BRD9: variants seen among roughly 807,000 people sequenced by gnomAD.
BRD9 encodes bromodomain-containing protein 9.
Under a neutral mutation model 68.7 loss-of-function variants are expected in BRD9, and 47 were observed. The observed-to-expected ratio is 0.68, with a 90% CI of 0.54 to 0.87. BRD9 has a LOEUF of 0.87. Among genes scored for constraint, BRD9 ranks in the 40% least tolerant of loss-of-function variants. BRD9 has a pLI of 0.00. For synonymous variants in BRD9, 313 were observed against 293.9 expected (o/e 1.06, Z -0.67); for missense variants, 670 against 748.4 (o/e 0.90, Z 1.22).
In BRD9 at chr5:889,181, T is replaced by C; in HGVS notation, c.462-16A>G. On this transcript the variant is annotated splice_polypyrimidine_tract_variant and intron_variant, in intron 4 of 15. Coordinates refer to ENST00000467963, the MANE Select transcript of BRD9 (RefSeq NM_023924.5). ...GGGATCTTTTCTGAAAGCAAAGACA[T>C]CTTAAAGCGGAAAAATCTAGATTTC... 5 of 1,601,640 alleles carry C rather than the reference T, an allele frequency of 3.1e-6. No individual in the cohort carries two copies. Among genetic ancestry groups the C allele is most frequent in the Non-Finnish European group, 4.2e-6 (5 of 1,177,110 alleles).
intron 14 of BRD9, 86 bp downstream of exon 14, chr5:870,387 G>A (rs1749963934): frequency 2.9e-6 from 3 of 1,018,128 alleles, no homozygotes; most frequent in Non-Finnish European, 4.6e-6. Context: ...GTCTAGTCAG[G>A]AAGGGAGAGG....
At chr5:886,777 G>A (rs373081798) in intron 6 of BRD9, 70 bp from the exon 7 acceptor site, 15 of 1,609,478 alleles carry the variant, frequency 9.3e-6, no homozygotes, top group African/African-American at 2.7e-5. Flanking sequence ...CCTAGAATCA[G>A]AAAGGACAGA....
At chr5:875,981 C>T (rs73733912) in intron 12 of BRD9, 120 bp downstream of exon 12, 8,713 of 667,668 alleles carry the variant, frequency 0.013, 458 homozygotes, top group African/African-American at 0.12. Flanking sequence ...GACGAGGAGC[C>T]GGCAGCAGAG....
intron 3 of BRD9, among the ~76,000 whole-genome samples, chr5:890,532 C>G (rs754116245): frequency 1.3e-4 from 20 of 152,224 alleles, no homozygotes; most frequent in Non-Finnish European, 2.2e-4. Flanking sequence ...ACTGGAAATT[C>G]CAGCCAAATG....
intron 1 of BRD9, chr5:892,255 TGCGGGAGCAAGGGAGAGGGAGGGAAAG>T: frequency 2.2e-6 from 1 of 463,198 alleles, no homozygotes. Context: ...ATGGAGCTGC[TGCGGGAGCAAGGGAGAGGGAGGGAAAG>T]GCGGGAGAAA....
Position 889,636 on chromosome 5 carries a change from T to G in BRD9, c.412A>C (p.Ser138Arg). The G allele has an allele frequency of 6.2e-7, 1 of 1,613,138 alleles. No homozygotes were observed. The highest frequency in any genetic ancestry group is 8.5e-7 in the Non-Finnish European group (1 of 1,179,550). Residue 138 changes from serine (S) to arginine (R), a missense_variant, in exon 4 of 16, where the codon AGC (serine) becomes CGC (arginine). Physicochemically the swap from Ser to Arg is moderately radical, Grantham distance 110 (BLOSUM62 -1). Transcript: ENST00000467963. The stretch of plus-strand genomic sequence containing the variant: ...TCCAGGAGTTGCTGAATAGGTGTGC[T>G]CTCATTTTCGGCTGACAATTTAAGG... ...ACRTQPAENE[S>R]TPIQQLLEHF... is the part of the protein sequence containing the mutation.
In BRD9 at chr5:865,523, C is replaced by T. The variant is rs151265326; in HGVS notation, c.1584G>A (p.Thr528=). ...CTTCGTGCAGGTCCTGCAGGAGCTT[C>T]GTCGTCTCATCCAAGTTCAAATGGC... ...DDSHLNLDET[T]KLLQDLHEAQ... Residue 528 remains threonine, a synonymous_variant, in exon 15 of 16, where the codon ACG becomes ACA. Coordinates refer to ENST00000467963, the MANE Select transcript of BRD9 (RefSeq NM_023924.5). 4.0e-5 allele frequency: 64 copies of T among 1,607,136 alleles called. No homozygotes were observed. Among genetic ancestry groups the T allele is most frequent in the South Asian group, 5.5e-5 (5 of 91,024 alleles).
At chr5:889,243 A>G (rs1313336723) in intron 4 of BRD9, 78 bp from the exon 5 acceptor site, 11 of 1,453,238 alleles carry the variant, frequency 7.6e-6, no homozygotes, top group Non-Finnish European at 1.0e-5. Flanking sequence ...CAAAAATTGG[A>G]TACAACTGAC....
At chr5:886,849 TG>T in intron 6 of BRD9, 142 bp from the exon 7 acceptor site, 1 of 1,438,482 alleles carries the variant, frequency 7.0e-7, no homozygotes, top group Non-Finnish European at 9.4e-7. Context: ...GGGATGGGGA[TG>T]GTCACAGCCT....
In BRD9 at chr5:887,430, A is replaced by G. The variant is rs1325301865; in HGVS notation, c.648T>C (p.Asn216=). 1.2e-6 allele frequency: 2 copies of G among 1,614,132 alleles called. No individual in the cohort carries two copies. Among genetic ancestry groups the G allele is most frequent in the Non-Finnish European group, 1.7e-6 (2 of 1,179,992 alleles). The part of the protein sequence containing the change: ...KLMCDNAMTY[N]RPDTVYYKLA... ...ACTTGTAGTACACGGTATCTGGCCT[A>G]TTGTATGTCATTGCATTATCACACA... Residue 216 remains asparagine (N), a synonymous_variant, in exon 6 of 16, where the codon AAT becomes AAC. Coordinates refer to ENST00000467963, the MANE Select transcript of BRD9 (RefSeq NM_023924.5).
intron 6 of BRD9, 142 bp from the exon 7 acceptor site, chr5:886,849 T>C: frequency 7.0e-7 from 1 of 1,438,480 alleles, no homozygotes; most frequent in South Asian, 1.3e-5. Flanking sequence ...GGGATGGGGA[T>C]GGTCACAGCC....
chr5:864,949 C>T (rs541073635), intron 15 of BRD9, among the ~76,000 whole-genome samples: 4 of 152,288 alleles, frequency 2.6e-5, no homozygotes, highest in African/African-American at 4.8e-5. Context: ...TCAATGGAAT[C>T]GAAAATACCG....
intron 8 of BRD9, 79 bp downstream of exon 8, chr5:883,859 C>G: frequency 6.4e-7 from 1 of 1,554,104 alleles, no homozygotes; most frequent in Non-Finnish European, 8.7e-7. Flanking sequence ...CTAGATCACA[C>G]AGCACCAACC....
chr5:872,582 GT>G (rs1750308699), intron 12 of BRD9, among the ~76,000 whole-genome samples: 6 of 152,342 alleles, frequency 3.9e-5, no homozygotes, highest in African/African-American at 9.6e-5. Flanking sequence ...AGAGCTCAGA[GT>G]CAGAACCACG....
intron 1 of BRD9, 41 bp downstream of exon 1, chr5:892,565 G>A (rs1232626206): frequency 1.3e-6 from 2 of 1,531,320 alleles, no homozygotes; most frequent in Non-Finnish European, 1.8e-6. Context: ...CCCGTGCCCG[G>A]GACCCCGCCC....
chr5:870,632 T>C, intron 13 of BRD9, 57 bp from the exon 14 acceptor site: 1 of 1,217,150 alleles, frequency 8.2e-7, no homozygotes, highest in Non-Finnish European at 1.2e-6. Flanking sequence ...AAACGAAATG[T>C]TACTTCACAC....
At chr5:877,193 G>A (rs189578551) in intron 11 of BRD9, among the ~76,000 whole-genome samples, 135 of 152,348 alleles carry the variant, frequency 8.9e-4, no homozygotes, top group African/African-American at 3.1e-3. Context: ...GCCACACGCC[G>A]TGGACAGGGA....
At chr5:882,404 A>G (rs1751901688) in intron 8 of BRD9, 2 of 156,512 alleles carry the variant, frequency 1.3e-5, no homozygotes, top group South Asian at 1.7e-4. Context: ...TTCCCAACAC[A>G]TGAGCCACGC....
At chr5:883,598 G>A (rs1188624409) in intron 8 of BRD9, 1 of 410,330 alleles carries the variant, frequency 2.4e-6, no homozygotes, top group African/African-American at 2.0e-5. Context: ...AACAAGGGCG[G>A]TGCCTCACGT....
Sources: allele counts gnomAD v4.1 joint callset (sites outside exome capture counted in the v4.1 genomes callset), GRCh38; gene constraint gnomAD v4.1.1; transcripts MANE v1.5; gene names NCBI Gene and HGNC (gene_info 2026-07-23, HGNC 2026-07-21).